The following CELF2 variants were observed in gnomAD, a reference collection of about 807,000 sequenced individuals.
CELF2 encodes CUG triplet repeat RNA-binding protein 2.
In CELF2, 8 loss-of-function variants were observed where a neutral mutation model predicts 62.6. The ratio of observed to expected loss-of-function variants is 0.13; its 90% CI spans 0.07 to 0.23. The LOEUF (loss-of-function observed/expected upper bound fraction) is 0.23, where lower values mean the gene tolerates loss of function less well. CELF2 is among the 10% of genes least tolerant of loss of function. The probability of loss-of-function intolerance (pLI) is 1.00; values close to 1 mark genes in which losing one functional copy is unlikely to be tolerated. For missense variants in CELF2, 333 were observed against 671.0 expected, an observed-to-expected ratio of 0.50 and a Z score of 5.56; for synonymous variants, 258 against 250.0, an observed-to-expected ratio of 1.03 and a Z score of -0.30.
the CELF2 span, among the ~76,000 whole-genome samples, chr10:10,651,629 AG>A: frequency 2.7e-5 from 4 of 148,016 alleles, 1 homozygote; most frequent in East Asian, 7.8e-4. Context: ...CTCACACGGC[AG>A]GGTATTCCAA....
At chr10:10,685,733 G>A in the CELF2 span, among the ~76,000 whole-genome samples, 2 of 152,268 alleles carry the variant, frequency 1.3e-5, no homozygotes, top group Admixed American at 1.3e-4. Context: ...TCTTTGCTGT[G>A]GGTTGAGACA....
At chr10:11,087,164 G>T (rs1431019797) in intron 1 of CELF2, among the ~76,000 whole-genome samples, 1 of 152,204 alleles carries the variant, frequency 6.6e-6, no homozygotes, top group African/African-American at 2.4e-5. Context: ...GAGAATGTTT[G>T]CTGAGTTTGA....
chr10:10,512,235 T>C, the CELF2 span, among the ~76,000 whole-genome samples: 16 of 152,158 alleles, frequency 1.1e-4, no homozygotes, highest in Non-Finnish European at 1.5e-5. Flanking sequence ...AGTCAATATC[T>C]GTGCTGCTGA....
chr10:11,244,434 C>A lies in CELF2; in HGVS notation c.355-4719C>A, dbSNP rs2074985352. Among the ~76,000 whole-genome samples, 1 of 152,014 alleles carries A rather than the reference C, an allele frequency of 6.6e-6. No homozygotes were observed. Among genetic ancestry groups the A allele is most frequent in the African/African-American group, 2.4e-5 (1 of 41,392 alleles). ...TTTGGGAGGCCGAGGTGGGTGGATC[C>A]CAAGGTCAGGAGATCGAGACCATCG... On this transcript the variant is annotated intron_variant, in intron 3 of 12. Transcript: ENST00000633077. This position sits in a 1 kb window ranked among gnomAD's most constrained non-coding sequence, Gnocchi z 4.2.
chr10:10,916,960 A>G (rs988181308), intron 1 of CELF2, among the ~76,000 whole-genome samples: 1 of 151,762 alleles, frequency 6.6e-6, no homozygotes, highest in African/African-American at 2.4e-5. Context: ...AGGAAAAAGA[A>G]CTTAGAGACA....
chr10:11,288,382 C>A (rs1417200202), intron 8 of CELF2, 36 bp from the exon 9 acceptor site: 1 of 1,610,496 alleles, frequency 6.2e-7, no homozygotes, highest in South Asian at 1.1e-5. Context: ...AAGTGTGAGG[C>A]CTGTTGCTGA....
At chr10:11,021,153 TAAAC>T (rs2058254304) in intron 1 of CELF2, among the ~76,000 whole-genome samples, 2 of 152,212 alleles carry the variant, frequency 1.3e-5, no homozygotes, top group Non-Finnish European at 2.9e-5. Flanking sequence ...TTTGGATTTT[TAAAC>T]AAAGCTAATA....
chr10:10,585,217 T>C, the CELF2 span, among the ~76,000 whole-genome samples: 1 of 152,182 alleles, frequency 6.6e-6, no homozygotes, highest in Non-Finnish European at 1.5e-5. Context: ...TTCCCAAAAC[T>C]CATCCATTGT....
chr10:10,598,107 G>A, the CELF2 span, among the ~76,000 whole-genome samples: 3 of 152,128 alleles, frequency 2.0e-5, no homozygotes, highest in African/African-American at 7.2e-5. Context: ...TATATGAAAT[G>A]GTGTCCAGAG....
intron 2 of CELF2, among the ~76,000 whole-genome samples, chr10:11,193,308 A>G (rs1442425164): frequency 6.6e-6 from 1 of 152,212 alleles, no homozygotes; most frequent in Non-Finnish European, 1.5e-5. Flanking sequence ...GAAATTAACC[A>G]GCTCACCCAT....
the CELF2 span, among the ~76,000 whole-genome samples, chr10:10,696,113 C>T: frequency 2.6e-4 from 39 of 152,206 alleles, no homozygotes; most frequent in African/African-American, 8.7e-4. Flanking sequence ...TTTTTCTGTT[C>T]TGTTTTTTCC....
the CELF2 span, among the ~76,000 whole-genome samples, chr10:10,513,795 G>A: frequency 0.4 from 61,207 of 152,020 alleles, 12,697 homozygotes; most frequent in Non-Finnish European, 0.46. Context: ...ACCCATAGAA[G>A]GGACAAAAGC....
Position 10,990,611 on chromosome 10 carries a change from G to A in CELF2, c.89+70612G>A, listed in dbSNP as rs977153894. Among the ~76,000 whole-genome samples the A allele has an allele frequency of 2.0e-5, 3 of 152,108 alleles. No individual in the cohort carries two copies. The highest frequency in any genetic ancestry group is 2.1e-4 in the South Asian group (1 of 4,832). ...TTAGTAGTATAATAGTATAATATAC[G>A]CTCAGTGGCAATTCAGTGTATTTCA... On this transcript the variant is annotated intron_variant, in intron 2 of 13. Transcript: ENST00000636488. The surrounding 1 kb of genome is among the most constrained non-coding windows in gnomAD (Gnocchi z 4.6).
the CELF2 span, among the ~76,000 whole-genome samples, chr10:10,573,874 C>T: frequency 6.6e-6 from 1 of 152,010 alleles, no homozygotes; most frequent in Admixed American, 6.6e-5. Flanking sequence ...AGACCAAGCC[C>T]CTACTTTCCA....
intron 3 of CELF2, among the ~76,000 whole-genome samples, chr10:11,234,014 G>A (rs1487923960): frequency 6.6e-6 from 1 of 152,210 alleles, no homozygotes; most frequent in Non-Finnish European, 1.5e-5. Flanking sequence ...TTTGAAGGGT[G>A]AGATCCACGC....
In CELF2 at chr10:11,268,161, A is replaced by G. The variant is rs1394996360; in HGVS notation, c.618+1484A>G. ...CGCTCCATTCCTGTGGATTAGCCTGATTTCCAGCCACATTTTAATCTTCAA... is the reference window on the plus strand; with the variant it reads ...CGCTCCATTCCTGTGGATTAGCCTGGTTTCCAGCCACATTTTAATCTTCAA... On this transcript the variant is annotated intron_variant, in intron 6 of 12. Coordinates refer to ENST00000633077, the MANE Select transcript of CELF2 (RefSeq NM_001326342.2). The surrounding 1 kb of genome is among the most constrained non-coding windows in gnomAD (Gnocchi z 4.7). Among the ~76,000 whole-genome samples, 1 of 152,138 alleles carries G rather than the reference A, an allele frequency of 6.6e-6. No homozygotes were observed.
chr10:10,968,700 T>C (rs774479469), intron 2 of CELF2, among the ~76,000 whole-genome samples: 4 of 151,582 alleles, frequency 2.6e-5, no homozygotes, highest in Admixed American at 6.6e-5. Context: ...GATAAGAGTA[T>C]ATTAATGGAT....
At position 10,835,065 on chromosome 10, in the gene CELF2, A is replaced by C. The variant is rs866333031; in HGVS notation, c.53+36248A>C. Among the ~76,000 whole-genome samples the C allele has an allele frequency of 6.6e-5, 10 of 152,198 alleles. No homozygotes were observed. The South Asian group carries it at 1.2e-3, about 19-fold the overall frequency. ...TAAGAGGCTGGAGTATAAATTAGGG[A>C]CATGGTGCCTGACTGGAGCATTAGC... On this transcript the variant is annotated intron_variant, in intron 1 of 13. Coordinates refer to the CELF2 transcript ENST00000636488.
chr10:10,774,065 TC>T, the CELF2 span, among the ~76,000 whole-genome samples: 1 of 152,190 alleles, frequency 6.6e-6, no homozygotes, highest in Non-Finnish European at 1.5e-5. Flanking sequence ...TGGAGACTAG[TC>T]CCAAATCTGA....
Sources: allele counts gnomAD v4.1 joint callset (sites outside exome capture counted in the v4.1 genomes callset), GRCh38; gene constraint gnomAD v4.1.1; non-coding constraint Gnocchi (gnomAD v3.1); transcripts MANE v1.5; gene names NCBI Gene and HGNC (gene_info 2026-07-23, HGNC 2026-07-21).